Variants in CD86 observed in about 807,000 individuals in gnomAD.
CD86 encodes CD86 molecule, also known as T-lymphocyte activation antigen CD86.
A neutral mutation model predicts 32.1 loss-of-function variants in CD86; 11 were observed. That is an observed-to-expected ratio of 0.34 (90% CI 0.22 to 0.57). The LOEUF is 0.57. CD86 is among the 20% of genes least tolerant of loss of function. The probability of loss-of-function intolerance (pLI) is 0.86; values close to 1 mark genes in which losing one functional copy is unlikely to be tolerated. For missense variants in CD86, 359 were observed against 398.4 expected (o/e 0.90, Z 0.84); for synonymous variants, 137 against 135.3 (o/e 1.01, Z -0.09).
chr3:122,086,920 TGTGAAA>T lies in CD86; in HGVS notation c.15-4679_15-4674del, dbSNP rs1311160997. On this transcript the variant is annotated intron_variant, in intron 1 of 6. Transcript: ENST00000330540. Reference sequence around the variant, plus strand: ...CATTTTTAAACGTGCTACACCAGTGTGTGAAAGAAACACAGGCTGCATGGGTTTAAA... The same window carrying T: ...CATTTTTAAACGTGCTACACCAGTGTGAAACACAGGCTGCATGGGTTTAAA... Among the ~76,000 whole-genome samples the T allele has an allele frequency of 1.7e-4, 26 of 152,150 alleles. No individual in the cohort carries two copies. The South Asian group carries it at 2.7e-3, about 16-fold the overall frequency.
chr3:122,119,509 G>A lies in CD86; in HGVS notation c.965G>A (p.Cys322Tyr), dbSNP rs775970094. Reference sequence around the variant, plus strand: ...TTTAAAAGTTCGAAGACATCTTCATGCGACAAAAGTGATACATGTTTTTAA... The same window carrying A: ...TTTAAAAGTTCGAAGACATCTTCATACGACAAAAGTGATACATGTTTTTAA... ...RVFKSSKTSSCDKSDTCF is the reference protein window; with the variant it reads ...RVFKSSKTSSYDKSDTCF Residue 322 changes from cysteine (C) to tyrosine (Y), a missense_variant, in exon 7 of 7, where the codon TGC (cysteine) becomes TAC (tyrosine). Coordinates refer to ENST00000330540, the MANE Select transcript of CD86 (RefSeq NM_175862.5). The A allele has an allele frequency of 6.2e-7, 1 of 1,604,560 alleles. No individual in the cohort carries two copies. Among genetic ancestry groups the A allele is most frequent in the South Asian group, 1.1e-5 (1 of 90,800 alleles).
intron 5 of CD86, among the ~76,000 whole-genome samples, chr3:122,116,333 G>A (rs768598712): frequency 2.7e-4 from 41 of 152,102 alleles, no homozygotes; most frequent in Non-Finnish European, 2.2e-4. Context: ...AAGAAGAAGA[G>A]ACTTGAACAG....
Position 122,061,098 on chromosome 3 carries a change from CAAGTAAA to C in CD86, c.14+5598_14+5604del, listed in dbSNP as rs1362343406. The stretch of plus-strand genomic sequence containing the variant: ...TCGAATCAGATTTGCACTAAAACAT[CAAGTAAA>C]AATAAAAGGAATGAACATTTGGTTA... On this transcript the variant is annotated intron_variant, in intron 1 of 6. Coordinates refer to ENST00000330540, the MANE Select transcript of CD86 (RefSeq NM_175862.5). Among the ~76,000 whole-genome samples the C allele has an allele frequency of 2.6e-5, 4 of 152,148 alleles. No individual in the cohort carries two copies. The East Asian group carries it at 7.7e-4, about 29-fold the overall frequency.
intron 3 of CD86, among the ~76,000 whole-genome samples, chr3:122,104,822 TC>T (rs780296321): frequency 1.3e-5 from 2 of 152,206 alleles, no homozygotes; most frequent in Non-Finnish European, 2.9e-5. Flanking sequence ...TCCATTCAAC[TC>T]AGTAAAAGAC....
At chr3:122,089,275 G>A (rs887103083) in intron 1 of CD86, among the ~76,000 whole-genome samples, 2 of 152,140 alleles carry the variant, frequency 1.3e-5, no homozygotes, top group Non-Finnish European at 2.9e-5. Flanking sequence ...CAATGTGAAT[G>A]TATTTCATAC....
intron 1 of CD86, among the ~76,000 whole-genome samples, chr3:122,085,711 G>T (rs889311574): frequency 3.3e-5 from 5 of 152,190 alleles, no homozygotes; most frequent in African/African-American, 1.2e-4. Flanking sequence ...GTAATGGGGT[G>T]GGACAGCGGA....
rs144365480 is a variant in CD86 at position 122,108,248 on chromosome 3, C to T, written c.704-1017C>T. Among the ~76,000 whole-genome samples, 1,012 of 152,332 alleles carry T rather than the reference C, an allele frequency of 6.6e-3. 12 individuals are homozygous for T. The highest frequency in any genetic ancestry group is 0.023 in the African/African-American group (962 of 41,566). On this transcript the variant is annotated intron_variant, in intron 4 of 6. Coordinates refer to ENST00000330540, the MANE Select transcript of CD86 (RefSeq NM_175862.5). ...TGCCTCTCTGGGTTTCCCATTCTATCGCTTGATCAGAGATAGGTTAGACCC... is the reference window on the plus strand; with the variant it reads ...TGCCTCTCTGGGTTTCCCATTCTATTGCTTGATCAGAGATAGGTTAGACCC...
intron 1 of CD86, among the ~76,000 whole-genome samples, chr3:122,073,201 A>G (rs1308386002): frequency 1.3e-5 from 2 of 148,624 alleles, no homozygotes; most frequent in Admixed American, 6.6e-5. Flanking sequence ...AGATTTTTGG[A>G]TTTTAGCCAT....
At chr3:122,056,915 CTA>C (rs2072246488) in intron 1 of CD86, among the ~76,000 whole-genome samples, 1 of 152,142 alleles carries the variant, frequency 6.6e-6, no homozygotes, top group African/African-American at 2.4e-5. Context: ...AGGCTGCTGT[CTA>C]TATTGAACTT....
At chr3:122,083,356 G>A (rs556204613) in intron 1 of CD86, among the ~76,000 whole-genome samples, 22 of 152,226 alleles carry the variant, frequency 1.4e-4, no homozygotes, top group African/African-American at 5.1e-4. Context: ...TCTTTCACCT[G>A]TCTCTTCATT....
chr3:122,096,227 G>A (rs2072904790), intron 2 of CD86, among the ~76,000 whole-genome samples: 1 of 152,134 alleles, frequency 6.6e-6, no homozygotes, highest in Admixed American at 6.5e-5. Context: ...CACCATGCCT[G>A]GCTAGTTTTT....
At chr3:122,101,807 C>G (rs1477670819) in intron 2 of CD86, among the ~76,000 whole-genome samples, 1 of 151,994 alleles carries the variant, frequency 6.6e-6, no homozygotes, top group Non-Finnish European at 1.5e-5. Flanking sequence ...ATGCAGAAGC[C>G]TCAGGTTTGC....
Position 122,109,322 on chromosome 3 carries a change from C to T in CD86, c.761C>T (p.Pro254Leu). The T allele has an allele frequency of 6.2e-7, 1 of 1,614,004 alleles. No homozygotes were observed. The highest frequency in any genetic ancestry group is 1.3e-5 in the African/African-American group (1 of 75,028). ...DHIPWITAVL[P>L]TVIICVMVFC... The stretch of plus-strand genomic sequence containing the variant: ...ATTCCTTGGATTACAGCTGTACTTC[C>T]AACAGTTATTATATGTGTGATGGTT... Residue 254 changes from proline to leucine, a missense_variant, in exon 5 of 7, where the codon CCA (proline) becomes CTA (leucine). Pro to Leu is a moderately conservative substitution (Grantham distance 98, BLOSUM62 -3). Transcript: ENST00000330540.
At chr3:122,061,471 A>G (rs1292609662) in intron 1 of CD86, among the ~76,000 whole-genome samples, 1 of 152,252 alleles carries the variant, frequency 6.6e-6, no homozygotes, top group Non-Finnish European at 1.5e-5. Flanking sequence ...AGAAATGCCA[A>G]TTCAAACACC....
Position 122,116,970 on chromosome 3 carries a change from T to A in CD86, c.848-1078T>A, listed in dbSNP as rs545149296. 2.0e-5 allele frequency among the ~76,000 whole-genome samples: 3 copies of A among 152,344 alleles called. No homozygotes were observed. The East Asian group carries it at 5.8e-4, about 29-fold the overall frequency. On this transcript the variant is annotated intron_variant, in intron 5 of 6. Transcript: ENST00000330540. ...GGTGGTGGTTACGTGACTATATATA[T>A]TCGTTAAAATCACCAAACTCTAAAC...
intron 1 of CD86, among the ~76,000 whole-genome samples, chr3:122,067,474 C>T (rs2072431383): frequency 6.6e-6 from 1 of 152,198 alleles, no homozygotes; most frequent in Admixed American, 6.5e-5. Flanking sequence ...CTGGTCCCTT[C>T]GTCCTTACCA....
intron 2 of CD86, among the ~76,000 whole-genome samples, chr3:122,098,349 C>T (rs758683049): frequency 1.4e-4 from 21 of 152,082 alleles, no homozygotes; most frequent in Admixed American, 1.2e-3. Flanking sequence ...GGAGGAAGAA[C>T]CTTCTGGACA....
chr3:122,096,082 T>C (rs1486884940), intron 2 of CD86, among the ~76,000 whole-genome samples: 1 of 152,184 alleles, frequency 6.6e-6, no homozygotes, highest in Non-Finnish European at 1.5e-5. Flanking sequence ...TTGAGATTTA[T>C]GGAAGCAAAA....
intron 2 of CD86, among the ~76,000 whole-genome samples, chr3:122,096,869 A>G (rs2072916511): frequency 6.6e-6 from 1 of 152,214 alleles, no homozygotes; most frequent in African/African-American, 2.4e-5. Context: ...CATTTAACTT[A>G]TTTCCAGTGT....
Sources: gnomAD v4.1 joint callset for allele counts (sites outside exome capture counted in the v4.1 genomes callset) on GRCh38, gnomAD v4.1.1 for gene constraint, MANE v1.5 for transcripts, NCBI Gene and HGNC (gene_info 2026-07-23, HGNC 2026-07-21) for gene names.